PIWIL1: variants seen among roughly 807,000 people sequenced by gnomAD.
PIWIL1 encodes piwi like RNA-mediated gene silencing 1, also known as piwi-like protein 1.
A neutral mutation model predicts 114.4 loss-of-function variants in PIWIL1; 73 were observed. That is an observed-to-expected ratio of 0.64 (90% CI 0.53 to 0.78). The LOEUF (loss-of-function observed/expected upper bound fraction) is 0.78, where lower values mean the gene tolerates loss of function less well. Ranked by LOEUF, PIWIL1 falls within the 30% of genes least tolerant of loss-of-function variation. PIWIL1 has a pLI of 0.00. For synonymous variants in PIWIL1, 375 were observed against 369.0 expected, an observed-to-expected ratio of 1.02 and a Z score of -0.19; for missense variants, 723 against 1,063.1, an observed-to-expected ratio of 0.68 and a Z score of 4.45.
chr12:130,381,730 C>A, the PIWIL1 span, among the ~76,000 whole-genome samples: 1 of 152,174 alleles, frequency 6.6e-6, no homozygotes, highest in East Asian at 1.9e-4. Context: ...TAAGAAACTG[C>A]CTGTCTTTTA....
the PIWIL1 span, among the ~76,000 whole-genome samples, chr12:130,393,178 GGTGA>G: frequency 2.0e-5 from 3 of 149,476 alleles, no homozygotes; most frequent in Middle Eastern, 3.8e-3. Flanking sequence ...TCAGTTACCT[GGTGA>G]GTATTGAATG....
the PIWIL1 span, chr12:130,407,694 G>A: frequency 5.4e-4 from 836 of 1,537,778 alleles, 4 homozygotes; most frequent in African/African-American, 6.7e-3. Context: ...GTGTGGTTGT[G>A]TCCGTCATGA....
chr12:130,392,315 A>AAG, the PIWIL1 span, among the ~76,000 whole-genome samples: 2 of 108,194 alleles, frequency 1.8e-5, no homozygotes, highest in African/African-American at 6.4e-5. Flanking sequence ...CACCGTCATC[A>AAG]TGTGTCCGTC....
intron 19 of PIWIL1, among the ~76,000 whole-genome samples, chr12:130,367,733 C>A (rs1191916953): frequency 1.3e-5 from 2 of 152,210 alleles, no homozygotes; most frequent in Non-Finnish European, 2.9e-5. Flanking sequence ...CCGGAGCTTA[C>A]AGCGGGCACC....
the PIWIL1 span, among the ~76,000 whole-genome samples, chr12:130,395,644 A>T: frequency 6.6e-6 from 1 of 152,228 alleles, no homozygotes; most frequent in African/African-American, 2.4e-5. Context: ...TATGAGATAA[A>T]TTATAGGTTC....
At chr12:130,404,839 T>C in the PIWIL1 span, among the ~76,000 whole-genome samples, 24 of 152,162 alleles carry the variant, frequency 1.6e-4, no homozygotes, top group African/African-American at 5.6e-4. Context: ...ATTATAAAAA[T>C]ACAATAATTA....
Position 130,354,819 on chromosome 12 carries a change from C to G in PIWIL1, c.1172-69C>G, listed in dbSNP as rs878933165. 36 of 1,408,464 alleles carry G rather than the reference C, an allele frequency of 2.6e-5. No individual in the cohort carries two copies. The South Asian group carries it at 4.4e-4, about 17-fold the overall frequency. The allele number at this position is 1,408,464 out of a possible 1,614,324, so 87.2% of individuals were successfully genotyped here. A position where few individuals can be genotyped will look rare whatever the true frequency, so the allele number is the denominator to read the frequency against. ...CTGGGAATTCCCACTCACCATCACCCTATACTCCAGTTATTTAGACCTGAT... is the reference window on the plus strand; with the variant it reads ...CTGGGAATTCCCACTCACCATCACCGTATACTCCAGTTATTTAGACCTGAT... On this transcript the variant is annotated intron_variant, in intron 10 of 20. Transcript: ENST00000245255.
the PIWIL1 span, among the ~76,000 whole-genome samples, chr12:130,413,632 C>CAAA: frequency 4.1e-5 from 3 of 73,354 alleles, no homozygotes; most frequent in African/African-American, 5.3e-5. Flanking sequence ...GACTCTGTCT[C>CAAA]AAAAAAAAAA....
chr12:130,339,332 C>G (rs963255243), intron 1 of PIWIL1: 7 of 152,392 alleles, frequency 4.6e-5, no homozygotes, highest in Admixed American at 2.6e-4. Context: ...GCAAAGCCGG[C>G]TGCACCCCTG....
At chr12:130,347,830 C>T (rs1337678542) in intron 6 of PIWIL1, among the ~76,000 whole-genome samples, 2 of 152,172 alleles carry the variant, frequency 1.3e-5, no homozygotes, top group Non-Finnish European at 2.9e-5. Context: ...TGTGAGTGAG[C>T]GGTCATGGCT....
rs2073824119 is a variant in PIWIL1 at position 130,371,857 on chromosome 12, A to G, written c.*259A>G. 8.0e-6 allele frequency: 2 copies of G among 249,570 alleles called. No homozygotes were observed. The highest frequency in any genetic ancestry group is 1.5e-5 in the Non-Finnish European group (2 of 130,520). 15.5% of individuals were successfully genotyped at this position (249,570 alleles called of 1,614,324 possible). A position where few individuals can be genotyped will look rare whatever the true frequency, so the allele number is the denominator to read the frequency against. ...TTTTGTTTATTTTGAAGAAATGTGGATAAGATACTTGGTAGTATAAAACAG... is the reference window on the plus strand; with the variant it reads ...TTTTGTTTATTTTGAAGAAATGTGGGTAAGATACTTGGTAGTATAAAACAG... On this transcript the variant is annotated 3_prime_UTR_variant, in exon 21 of 21. Transcript: ENST00000245255.
Position 130,371,465 on chromosome 12 carries a change from T to C in PIWIL1, c.2470-17T>C. ...CTAAGTCTAGAGTAATAGAACCTTT[T>C]TTTCCTTCCACTAAAGGGTGTCATT... On this transcript the variant is annotated splice_polypyrimidine_tract_variant and intron_variant, in intron 20 of 20. Coordinates refer to ENST00000245255, the MANE Select transcript of PIWIL1 (RefSeq NM_004764.5). 1 of 1,612,780 alleles carries C rather than the reference T, an allele frequency of 6.2e-7. No homozygotes were observed. Among genetic ancestry groups the C allele is most frequent in the Non-Finnish European group, 8.5e-7 (1 of 1,178,818 alleles).
the PIWIL1 span, chr12:130,414,216 A>C: frequency 6.2e-7 from 1 of 1,614,218 alleles, no homozygotes; most frequent in Admixed American, 1.7e-5. Context: ...AAAGAGAGCC[A>C]CAAAGATCCG....
chr12:130,405,111 A>C, the PIWIL1 span, among the ~76,000 whole-genome samples: 1 of 152,246 alleles, frequency 6.6e-6, no homozygotes, highest in Admixed American at 6.5e-5. Context: ...ACCTTGAAGG[A>C]CCTTTTAGGC....
chr12:130,409,158 C>T, the PIWIL1 span, among the ~76,000 whole-genome samples: 1 of 152,074 alleles, frequency 6.6e-6, no homozygotes, highest in Non-Finnish European at 1.5e-5. Flanking sequence ...TCCCAGCGTG[C>T]AGTACTTTAC....
At chr12:130,412,561 G>T in the PIWIL1 span, 2 of 1,500,136 alleles carry the variant, frequency 1.3e-6, no homozygotes, top group South Asian at 1.2e-5. Flanking sequence ...CTCTCTGAGC[G>T]GCAGGTGTTT....
At position 130,371,155 on chromosome 12, in the gene PIWIL1, G is replaced by C. The variant is rs751712473; in HGVS notation, c.2322-21G>C. The C allele has an allele frequency of 5.0e-6, 8 of 1,610,050 alleles. No individual in the cohort carries two copies. The Admixed American group carries it at 1.3e-4, about 27-fold the overall frequency. The stretch of plus-strand genomic sequence containing the variant: ...CCTAATTTTAGTTTTCAGCACATCC[G>C]TGTGTTTTCTGTAATTCCAGGTATG... On this transcript the variant is annotated intron_variant, in intron 19 of 20. Coordinates refer to ENST00000245255, the MANE Select transcript of PIWIL1 (RefSeq NM_004764.5).
chr12:130,344,318 T>C (rs1030287923), intron 3 of PIWIL1, among the ~76,000 whole-genome samples: 1 of 152,168 alleles, frequency 6.6e-6, no homozygotes, highest in African/African-American at 2.4e-5. Context: ...AAACCAAGCC[T>C]CTGGGATAAA....
chr12:130,354,594 A>C lies in PIWIL1; in HGVS notation c.1102A>C (p.Arg368=), dbSNP rs2073311543. Residue 368 remains arginine (R), a synonymous_variant, in exon 10 of 21, where the codon AGA becomes CGA. Coordinates refer to ENST00000245255, the MANE Select transcript of PIWIL1 (RefSeq NM_004764.5). ...GCCTGTCTTGGTCAGCCAGCCCAAG[A>C]GAAGGCGGGGCCCTGGGGGGACACT... The part of the protein sequence containing the change: ...KQPVLVSQPK[R]RRGPGGTLPG... 2 of 1,613,948 alleles carry C rather than the reference A, an allele frequency of 1.2e-6. No homozygotes were observed. The highest frequency in any genetic ancestry group is 1.7e-6 in the Non-Finnish European group (2 of 1,179,980).
Sources: allele counts gnomAD v4.1 joint callset (sites outside exome capture counted in the v4.1 genomes callset), GRCh38; gene constraint gnomAD v4.1.1; transcripts MANE v1.5; gene names NCBI Gene and HGNC (gene_info 2026-07-23, HGNC 2026-07-21).